The following MACROD2 variants were observed in gnomAD, a reference collection of about 807,000 sequenced individuals.
The protein encoded by MACROD2 is ADP-ribose glycohydrolase MACROD2.
A neutral mutation model predicts 70.4 loss-of-function variants in MACROD2; 36 were observed. That is an observed-to-expected ratio of 0.51 (90% CI 0.39 to 0.68). MACROD2 has a LOEUF of 0.68. Ranked by LOEUF, MACROD2 falls within the 30% of genes least tolerant of loss-of-function variation. The pLI is 0.00. For synonymous variants in MACROD2, 172 were observed against 178.8 expected, an observed-to-expected ratio of 0.96 and a Z score of 0.30; for missense variants, 496 against 538.4, an observed-to-expected ratio of 0.92 and a Z score of 0.78.
At chr20:14,267,701 G>C (rs2082155208) in intron 3 of MACROD2, among the ~76,000 whole-genome samples, 1 of 151,992 alleles carries the variant, frequency 6.6e-6, no homozygotes, top group Non-Finnish European at 1.5e-5. Context: ...AAAATGTTAA[G>C]AAATGAACTA....
intron 4 of MACROD2, among the ~76,000 whole-genome samples, chr20:14,513,039 A>C (rs890013628): frequency 6.6e-6 from 1 of 152,122 alleles, no homozygotes; most frequent in African/African-American, 2.4e-5. Flanking sequence ...GGCTCTGCCA[A>C]CTTGGCAAGA....
chr20:14,361,803 G>A (rs1162658140), intron 3 of MACROD2, among the ~76,000 whole-genome samples: 3 of 152,178 alleles, frequency 2.0e-5, no homozygotes, highest in Non-Finnish European at 4.4e-5. Context: ...CACCCAATGG[G>A]AATAGGGAGA....
chr20:15,431,767 T>C (rs745342157), intron 7 of MACROD2, among the ~76,000 whole-genome samples: 4 of 152,104 alleles, frequency 2.6e-5, no homozygotes, highest in Non-Finnish European at 4.4e-5. Flanking sequence ...AAGCATAATG[T>C]ACATAGAGTT....
intron 3 of MACROD2, among the ~76,000 whole-genome samples, chr20:14,137,415 A>T: frequency 6.6e-6 from 1 of 152,192 alleles, no homozygotes; most frequent in East Asian, 1.9e-4. Context: ...TTTTCATGTT[A>T]CTAACCAGCA....
chr20:15,567,498 A>G (rs537827696), intron 8 of MACROD2, among the ~76,000 whole-genome samples: 196 of 152,376 alleles, frequency 1.3e-3, no homozygotes, highest in Non-Finnish European at 1.6e-3. Context: ...ATCATAGTAT[A>G]TAAACCACTC....
chr20:16,032,141 C>A (rs371733243), intron 15 of MACROD2, among the ~76,000 whole-genome samples: 1 of 152,044 alleles, frequency 6.6e-6, no homozygotes, highest in South Asian at 2.1e-4. Context: ...TAGAAATAAA[C>A]GCATGCTATT....
chr20:14,911,419 C>T (rs2074026100), intron 5 of MACROD2, among the ~76,000 whole-genome samples: 1 of 151,966 alleles, frequency 6.6e-6, no homozygotes. Context: ...GCTCTGTTGC[C>T]CAGGCTAGAG....
chr20:14,138,812 CTA>C (rs10536334), intron 3 of MACROD2, among the ~76,000 whole-genome samples: 109,714 of 150,828 alleles, frequency 0.73, 40,184 homozygotes, highest in East Asian at 0.81. Flanking sequence ...CACACGGTAA[CTA>C]TGTGAGATTA....
intron 5 of MACROD2, among the ~76,000 whole-genome samples, chr20:15,068,710 T>C (rs1449303872): frequency 6.6e-6 from 1 of 152,180 alleles, no homozygotes; most frequent in African/African-American, 2.4e-5. Flanking sequence ...GGTGTGATGT[T>C]TGTACAGCCA....
intron 5 of MACROD2, among the ~76,000 whole-genome samples, chr20:14,836,761 G>A (rs1352565634): frequency 1.3e-5 from 2 of 151,992 alleles, no homozygotes; most frequent in African/African-American, 4.8e-5. Flanking sequence ...ACAGCTATAT[G>A]CTAACTTTTG....
intron 5 of MACROD2, among the ~76,000 whole-genome samples, chr20:15,123,993 A>T: frequency 6.6e-6 from 1 of 152,200 alleles, no homozygotes; most frequent in East Asian, 1.9e-4. Context: ...CGTAAAAAAA[A>T]GATTTGTAAC....
intron 5 of MACROD2, among the ~76,000 whole-genome samples, chr20:14,699,804 A>G (rs1383552253): frequency 1.3e-5 from 2 of 150,462 alleles, no homozygotes; most frequent in Non-Finnish European, 3.0e-5. Context: ...AGAAGTTTAA[A>G]GTTTAAACTT....
intron 4 of MACROD2, among the ~76,000 whole-genome samples, chr20:14,511,941 A>G (rs1413436194): frequency 6.7e-6 from 1 of 150,290 alleles, no homozygotes; most frequent in Non-Finnish European, 1.5e-5. Context: ...TTTTCAACTT[A>G]TTTAGTATTT....
chr20:15,558,995 G>A (rs1417223471), intron 8 of MACROD2, among the ~76,000 whole-genome samples: 1 of 152,076 alleles, frequency 6.6e-6, no homozygotes, highest in Non-Finnish European at 1.5e-5. Flanking sequence ...TTGGGAGGCC[G>A]AGACGGGCGG....
chr20:14,678,297 C>G (rs1010949842), intron 4 of MACROD2, among the ~76,000 whole-genome samples: 1 of 152,172 alleles, frequency 6.6e-6, no homozygotes, highest in South Asian at 2.1e-4. Flanking sequence ...CTCAGTCTCA[C>G]AACCCCCTAA....
intron 3 of MACROD2, among the ~76,000 whole-genome samples, chr20:14,122,358 C>T (rs892518800): frequency 1.3e-5 from 2 of 152,166 alleles, no homozygotes; most frequent in Admixed American, 6.5e-5. Context: ...ATCCCTGGCA[C>T]ATTGTCAATG....
chr20:15,269,979 C>G (rs2077331291), intron 6 of MACROD2, among the ~76,000 whole-genome samples: 1 of 152,084 alleles, frequency 6.6e-6, no homozygotes, highest in South Asian at 2.1e-4. Context: ...TGACAAGACT[C>G]TAGAAGACTT....
intron 12 of MACROD2, among the ~76,000 whole-genome samples, chr20:15,955,346 A>T (rs2065961659): frequency 6.6e-6 from 1 of 152,130 alleles, no homozygotes; most frequent in Non-Finnish European, 1.5e-5. Context: ...CATAAAGCAA[A>T]AATTTTCAAC....
intron 1 of MACROD2, among the ~76,000 whole-genome samples, chr20:14,000,962 C>T (rs936640756): frequency 2.0e-5 from 3 of 152,094 alleles, no homozygotes; most frequent in Non-Finnish European, 4.4e-5. Flanking sequence ...GTATTCATAC[C>T]TCCTTTGTTT....
Sources: allele counts gnomAD v4.1 joint callset (sites outside exome capture counted in the v4.1 genomes callset), GRCh38; gene constraint gnomAD v4.1.1; transcripts MANE v1.5; gene names NCBI Gene and HGNC (gene_info 2026-07-23, HGNC 2026-07-21).